The following GSN variants were observed in gnomAD, a reference collection of about 807,000 sequenced individuals.
GSN encodes the protein gelsolin, also known as actin-depolymerizing factor.
GSN carries 56 observed loss-of-function variants against 85.7 expected under a neutral mutation model. That is an observed-to-expected ratio of 0.65 (90% confidence interval 0.53 to 0.82). The LOEUF (loss-of-function observed/expected upper bound fraction) is 0.82. Among genes scored for constraint, GSN ranks in the 40% least tolerant of loss-of-function variants. GSN has a pLI of 0.00. For missense variants in GSN, 857 were observed against 979.8 expected (o/e 0.87, Z 1.67); for synonymous variants, 373 against 399.1 (o/e 0.93, Z 0.78).
Position 121,318,640 on chromosome 9 carries a change from C to T in GSN, c.976-25C>T, listed in dbSNP as rs2062000563. On this transcript the variant is annotated intron_variant, in intron 9 of 17. Transcript: ENST00000432226. The surrounding 1 kb of genome is among the most constrained non-coding windows in gnomAD (Gnocchi z 4.3). ...CCCTGCTGGGCAGCCCAGCCACATC[C>T]TGCTCCTCTGCCTCCCCTCCCCAGG... 6.3e-7 allele frequency: 1 copy of T among 1,578,784 alleles called. No individual in the cohort carries two copies. Among genetic ancestry groups the T allele is most frequent in the Middle Eastern group, 1.7e-4 (1 of 6,012 alleles).
chr9:121,242,653 C>T (rs1315684769), intron 5 of GSN, among the ~76,000 whole-genome samples: 1 of 152,166 alleles, frequency 6.6e-6, no homozygotes, highest in Non-Finnish European at 1.5e-5. Flanking sequence ...AAGCTATGCC[C>T]TTTTCATTCC....
At chr9:121,263,177 T>C (rs1368196733), upstream of GSN, among the ~76,000 whole-genome samples, 2 of 152,190 alleles carry the variant, frequency 1.3e-5, no homozygotes, top group Non-Finnish European at 2.9e-5. Context: ...ATTTATAGCC[T>C]TTCCTGATCT....
intron 16 of GSN, among the ~76,000 whole-genome samples, chr9:121,330,476 G>A (rs564055419): frequency 2.0e-5 from 3 of 152,256 alleles, no homozygotes; most frequent in East Asian, 1.9e-4. Context: ...TTGGGAGGTC[G>A]AGGCAGAAGA....
chr9:121,302,444 C>T (rs946753280), intron 3 of GSN, among the ~76,000 whole-genome samples: 2 of 152,106 alleles, frequency 1.3e-5, no homozygotes, highest in East Asian at 3.9e-4. Flanking sequence ...ATGTTGTGAG[C>T]GTTAAACACC....
At chr9:121,292,694 C>T (rs2058809126) in intron 2 of GSN, among the ~76,000 whole-genome samples, 1 of 152,134 alleles carries the variant, frequency 6.6e-6, no homozygotes, top group Non-Finnish European at 1.5e-5. Flanking sequence ...CAGATTCATC[C>T]CTGTACATTG....
At chr9:121,273,974 G>C (rs2056343164) in intron 1 of GSN, among the ~76,000 whole-genome samples, 1 of 152,068 alleles carries the variant, frequency 6.6e-6, no homozygotes, top group Admixed American at 6.5e-5. Flanking sequence ...TATAATCTTG[G>C]GTATAAAAAC....
chr9:121,262,760 A>T (rs952795514), intron 6 of GSN, among the ~76,000 whole-genome samples: 6 of 152,222 alleles, frequency 3.9e-5, no homozygotes, highest in African/African-American at 1.2e-4. Context: ...GTTCTCATTA[A>T]AATAGTGGGA....
At chr9:121,238,105 A>T (rs953933224) in intron 5 of GSN, 1 of 152,340 alleles carries the variant, frequency 6.6e-6, no homozygotes, top group Non-Finnish European at 1.5e-5. Flanking sequence ...AGCAGTGATG[A>T]AACAGCAGCC....
chr9:121,299,083 T>A lies in GSN; in HGVS notation c.-9-2880T>A, dbSNP rs575352013. ...AGAGGTAGATAGCAGTGGTTGCCCC[T>A]GGGGAGAGGTAAATGTGATGGAGAG... On this transcript the variant is annotated intron_variant, in intron 2 of 17. Coordinates refer to ENST00000432226, the MANE Select transcript of GSN (RefSeq NM_198252.3). This position sits in a 1 kb window ranked among gnomAD's most constrained non-coding sequence, Gnocchi z 4.2. Among the ~76,000 whole-genome samples the A allele has an allele frequency of 2.0e-5, 3 of 152,288 alleles. No homozygotes were observed. The East Asian group carries it at 5.8e-4, about 29-fold the overall frequency.
chr9:121,281,637 T>C (rs2057378469), intron 2 of GSN, 75 bp downstream of exon 2: 1 of 471,062 alleles, frequency 2.1e-6, no homozygotes, highest in African/African-American at 2.0e-5. Flanking sequence ...TGGAGGGGAC[T>C]TCAGTGGTGG....
At chr9:121,330,866 G>C (rs2063808777) in intron 16 of GSN, among the ~76,000 whole-genome samples, 1 of 152,102 alleles carries the variant, frequency 6.6e-6, no homozygotes, top group Admixed American at 6.5e-5. Flanking sequence ...GAATATGTTT[G>C]GCCACTCATT....
At chr9:121,312,056 T>C (rs2061209888) in intron 5 of GSN, 1 of 368,248 alleles carries the variant, frequency 2.7e-6, no homozygotes, top group Non-Finnish European at 5.0e-6. Context: ...GTTGTGCCAA[T>C]TTATATTCCC....
chr9:121,332,451 A>T lies in GSN; in HGVS notation c.2044A>T (p.Thr682Ser), dbSNP rs1367894068. ...ALTSAKRYIE[T>S]DPANRDRRTP... Reference sequence around the variant, plus strand: ...GTCTGCAGCTAAGCGGTACATCGAGACGGACCCAGCCAATCGGGATCGGCG... The same window carrying T: ...GTCTGCAGCTAAGCGGTACATCGAGTCGGACCCAGCCAATCGGGATCGGCG... The change falls in exon 18 of 18, where the codon ACG becomes TCG. Residue 682 changes from threonine (T) to serine (S), a missense_variant. Physicochemically the swap from Thr to Ser is moderately conservative, Grantham distance 58. Transcript: ENST00000432226. This position sits in a 1 kb window ranked among gnomAD's most constrained non-coding sequence, Gnocchi z 4.8. The T allele has an allele frequency of 6.2e-7, 1 of 1,614,162 alleles. No individual in the cohort carries two copies. The highest frequency in any genetic ancestry group is 1.1e-5 in the South Asian group (1 of 91,080).
Position 121,286,276 on chromosome 9 carries a change from T to A in GSN, c.-10+4714T>A, listed in dbSNP as rs1265817113. 4 of 808,574 alleles carry A rather than the reference T, an allele frequency of 4.9e-6. No homozygotes were observed. The African/African-American group carries it at 6.8e-5, about 14-fold the overall frequency. The allele number at this position is 808,574 out of a possible 1,614,324, so 50.1% of individuals were successfully genotyped here. On this transcript the variant is annotated intron_variant, in intron 2 of 17. Coordinates refer to ENST00000432226, the MANE Select transcript of GSN (RefSeq NM_198252.3). Reference sequence around the variant, plus strand: ...GAGGGAAAGTCCCGCTCCTGACTCCTAGTTCAACACCAGCCAGGCCCCCTG... The same window carrying A: ...GAGGGAAAGTCCCGCTCCTGACTCCAAGTTCAACACCAGCCAGGCCCCCTG...
chr9:121,229,566 C>A (rs2054346943), intron 4 of GSN, among the ~76,000 whole-genome samples: 1 of 152,150 alleles, frequency 6.6e-6, no homozygotes, highest in South Asian at 2.1e-4. Context: ...TATAAATGTT[C>A]CACAATTTAG....
At chr9:121,330,242 G>A (rs939823518) in intron 16 of GSN, among the ~76,000 whole-genome samples, 2 of 152,190 alleles carry the variant, frequency 1.3e-5, no homozygotes, top group African/African-American at 4.8e-5. Context: ...GCCTGCCTTC[G>A]AGGGGCTTCC....
intron 10 of GSN, 99 bp from the exon 11 acceptor site, chr9:121,321,169 A>G (rs963432202): frequency 7.7e-7 from 1 of 1,299,610 alleles, no homozygotes; most frequent in Non-Finnish European, 1.1e-6. Context: ...AGTTCATCCC[A>G]TGGCCTAACC....
chr9:121,330,974 G>T (rs574467265), intron 16 of GSN, among the ~76,000 whole-genome samples: 2 of 152,184 alleles, frequency 1.3e-5, no homozygotes, highest in African/African-American at 4.8e-5. Context: ...CAATGTTAGC[G>T]AATGAAGCAG....
At chr9:121,248,894 A>G (rs1176908866) in intron 6 of GSN, among the ~76,000 whole-genome samples, 1 of 152,110 alleles carries the variant, frequency 6.6e-6, no homozygotes, top group Non-Finnish European at 1.5e-5. Context: ...CTGGAAGGTG[A>G]TGGGGGCTGT....
Sources: gnomAD v4.1 joint callset for allele counts (sites outside exome capture counted in the v4.1 genomes callset) on GRCh38, gnomAD v4.1.1 for gene constraint, Gnocchi (gnomAD v3.1) non-coding constraint, MANE v1.5 for transcripts, NCBI Gene and HGNC (gene_info 2026-07-23, HGNC 2026-07-21) for gene names.